AFF3: variants seen among roughly 807,000 people sequenced by gnomAD.
The protein encoded by AFF3 is AF4/FMR2 family member 3.
A neutral mutation model predicts 129.7 loss-of-function variants in AFF3; 32 were observed. The observed-to-expected ratio is 0.25, with a 90% CI of 0.19 to 0.33. The LOEUF is 0.33. Ranked by LOEUF, AFF3 falls within the 10% of genes least tolerant of loss-of-function variation. The pLI is 1.00. For missense variants in AFF3, 1,373 were observed against 1,592.0 expected, an observed-to-expected ratio of 0.86 and a Z score of 2.34; for synonymous variants, 644 against 635.4, an observed-to-expected ratio of 1.01 and a Z score of -0.20.
Position 99,825,511 on chromosome 2 carries a change from A to C in AFF3, c.921+11966T>G, listed in dbSNP as rs144507626. ...TGATCACTTTGGATAGATGTGTTTT[A>C]ATTGTTCCAAGAACTGCTTTACACA... On this transcript the variant is annotated intron_variant, in intron 8 of 24. Coordinates refer to ENST00000672756, the MANE Select transcript of AFF3 (RefSeq NM_001386135.1). 2.0e-5 allele frequency among the ~76,000 whole-genome samples: 3 copies of C among 152,328 alleles called. No homozygotes were observed. The East Asian group carries it at 5.8e-4, about 29-fold the overall frequency.
rs1674388361 is a variant in AFF3 at position 99,551,294 on chromosome 2, G to T, written c.*180C>A. Reference sequence around the variant, plus strand: ...TGTATCTTACACACATACACAGGCGGCTTCTTATATACCCACACATACAAA... The same window carrying T: ...TGTATCTTACACACATACACAGGCGTCTTCTTATATACCCACACATACAAA... On this transcript the variant is annotated 3_prime_UTR_variant, in exon 25 of 25. Transcript: ENST00000672756. The T allele has an allele frequency of 2.5e-6, 2 of 794,212 alleles. No individual in the cohort carries two copies. Among genetic ancestry groups the T allele is most frequent in the Non-Finnish European group, 3.9e-6 (2 of 513,850 alleles). The allele number at this position is 794,212 out of a possible 1,614,324, so 49.2% of individuals were successfully genotyped here.
intron 8 of AFF3, among the ~76,000 whole-genome samples, chr2:99,752,838 C>G (rs1024031189): frequency 1.3e-5 from 2 of 152,170 alleles, no homozygotes; most frequent in Admixed American, 1.3e-4. Flanking sequence ...AATACAGAGA[C>G]AGAATGATGT....
intron 12 of AFF3, among the ~76,000 whole-genome samples, chr2:99,656,317 C>A (rs1685744389): frequency 6.6e-6 from 1 of 152,144 alleles, no homozygotes; most frequent in African/African-American, 2.4e-5. Context: ...TGTCAGTAAC[C>A]TCCATTTTTG....
At position 99,571,717 on chromosome 2, in the gene AFF3, C is replaced by A. The variant is rs546126743; in HGVS notation, c.2919-2802G>T. ...CACTATAATGAGTCACTGAAGATTGCCTGATGATTGGCCCATTTTCTCCTT... is the reference window on the plus strand; with the variant it reads ...CACTATAATGAGTCACTGAAGATTGACTGATGATTGGCCCATTTTCTCCTT... On this transcript the variant is annotated intron_variant, in intron 18 of 24. Coordinates refer to ENST00000672756, the MANE Select transcript of AFF3 (RefSeq NM_001386135.1). 2.6e-5 allele frequency among the ~76,000 whole-genome samples: 4 copies of A among 152,276 alleles called. No individual in the cohort carries two copies. In the South Asian group the frequency reaches 8.3e-4, roughly 32 times the overall value.
At position 99,669,700 on chromosome 2, in the gene AFF3, T is replaced by C. The variant is rs1174607804; in HGVS notation, c.1143+2838A>G. 2.6e-5 allele frequency among the ~76,000 whole-genome samples: 4 copies of C among 152,200 alleles called. 1 individual carries two copies. The East Asian group carries it at 5.8e-4, about 22-fold the overall frequency. On this transcript the variant is annotated intron_variant, in intron 12 of 24. Coordinates refer to ENST00000672756, the MANE Select transcript of AFF3 (RefSeq NM_001386135.1). ...TCATATACAAACAGGCTGGGCACAG[T>C]TGCTCACACCTGTAATCCCAGCACT...
chr2:99,820,122 G>T (rs1467788954), intron 8 of AFF3, among the ~76,000 whole-genome samples: 1 of 152,140 alleles, frequency 6.6e-6, no homozygotes, highest in African/African-American at 2.4e-5. Context: ...TGACAACAGG[G>T]ATTCATTCTG....
At chr2:99,752,071 G>A (rs1253622295) in intron 9 of AFF3, 150 bp downstream of exon 9, 4 of 642,276 alleles carry the variant, frequency 6.2e-6, no homozygotes, top group African/African-American at 5.5e-5. Context: ...AAATGAATAA[G>A]TATGCGCTTG....
intron 10 of AFF3, among the ~76,000 whole-genome samples, chr2:99,740,557 T>C (rs1423395570): frequency 1.3e-5 from 2 of 150,332 alleles, no homozygotes; most frequent in African/African-American, 2.4e-5. Context: ...ATTTCTCTGA[T>C]GGCCAGTGAT....
chr2:99,584,869 C>T (rs1677939012), intron 16 of AFF3, among the ~76,000 whole-genome samples: 1 of 152,192 alleles, frequency 6.6e-6, no homozygotes, highest in African/African-American at 2.4e-5. Flanking sequence ...ACTAAAGTCA[C>T]TTCGAAAAGC....
intron 7 of AFF3, among the ~76,000 whole-genome samples, chr2:99,844,851 G>A (rs1689610248): frequency 6.6e-6 from 1 of 152,064 alleles, no homozygotes; most frequent in Admixed American, 6.5e-5. Context: ...CAGTGGATGT[G>A]CTGCCTCTCA....
At chr2:100,103,207 T>C (rs1302502682) in intron 4 of AFF3, among the ~76,000 whole-genome samples, 2 of 152,142 alleles carry the variant, frequency 1.3e-5, no homozygotes, top group Non-Finnish European at 2.9e-5. Flanking sequence ...GATCCACATA[T>C]CATCTATATG....
intron 7 of AFF3, among the ~76,000 whole-genome samples, chr2:99,971,681 T>A (rs1233034533): frequency 1.3e-5 from 2 of 152,150 alleles, no homozygotes; most frequent in African/African-American, 4.8e-5. Context: ...AGCAGGGTAA[T>A]ATGATCATAA....
chr2:99,821,973 A>T (rs1205737678), intron 8 of AFF3, among the ~76,000 whole-genome samples: 30 of 152,154 alleles, frequency 2.0e-4, no homozygotes, highest in Admixed American at 2.0e-3. Flanking sequence ...TGGTATAAAC[A>T]CAAGTCTTGT....
intron 13 of AFF3, among the ~76,000 whole-genome samples, chr2:99,610,459 C>T (rs750883386): frequency 1.3e-5 from 2 of 152,098 alleles, no homozygotes; most frequent in Non-Finnish European, 2.9e-5. Context: ...GGCCTTTTTT[C>T]AGTCGACACA....
intron 7 of AFF3, among the ~76,000 whole-genome samples, chr2:99,884,017 G>A (rs1692920373): frequency 6.6e-6 from 1 of 152,146 alleles, no homozygotes; most frequent in African/African-American, 2.4e-5. Context: ...GGAAATTTGT[G>A]TGCAGTCACG....
chr2:100,040,818 G>A (rs1019317437), intron 4 of AFF3, among the ~76,000 whole-genome samples: 1 of 152,260 alleles, frequency 6.6e-6, no homozygotes, highest in Non-Finnish European at 1.5e-5. Flanking sequence ...TGAGCAGCAA[G>A]AGGACAGATC....
chr2:99,966,562 C>T (rs1243788232), intron 7 of AFF3, among the ~76,000 whole-genome samples: 2 of 147,596 alleles, frequency 1.4e-5, no homozygotes, highest in East Asian at 2.0e-4. Context: ...TAGTGGCGGG[C>T]GCCTGTAGTC....
chr2:100,060,966 A>G (rs903345447), intron 4 of AFF3, among the ~76,000 whole-genome samples: 2 of 152,172 alleles, frequency 1.3e-5, no homozygotes, highest in Admixed American at 6.5e-5. Context: ...GGTCTTGAGG[A>G]ACACTGCCAG....
At chr2:99,920,689 C>A (rs1695799371) in intron 7 of AFF3, among the ~76,000 whole-genome samples, 1 of 151,792 alleles carries the variant, frequency 6.6e-6, no homozygotes, top group East Asian at 1.9e-4. Context: ...TTGGAGGTCC[C>A]TGCCTGTACA....
Sources: gnomAD v4.1 joint callset for allele counts (sites outside exome capture counted in the v4.1 genomes callset) on GRCh38, gnomAD v4.1.1 for gene constraint, MANE v1.5 for transcripts, NCBI Gene and HGNC (gene_info 2026-07-23, HGNC 2026-07-21) for gene names.